The following ZNF438 variants were observed in gnomAD, a reference collection of about 807,000 sequenced individuals.
ZNF438 encodes the protein zinc finger protein 438.
A neutral mutation model predicts 38.0 loss-of-function variants in ZNF438; 25 were observed. The observed-to-expected ratio is 0.66, with a 90% CI of 0.48 to 0.92. ZNF438 has a LOEUF of 0.92. Among genes scored for constraint, ZNF438 ranks in the 40% least tolerant of loss-of-function variants. ZNF438 has a pLI of 0.00. For missense variants in ZNF438, 1,007 were observed against 999.6 expected (o/e 1.01, Z -0.10); for synonymous variants, 372 against 364.1 (o/e 1.02, Z -0.25).
intron 1 of ZNF438, among the ~76,000 whole-genome samples, chr10:31,025,960 A>C (rs1384145458): frequency 6.6e-6 from 1 of 152,242 alleles, no homozygotes; most frequent in Non-Finnish European, 1.5e-5. Context: ...TGCAAGAAGT[A>C]GAATTTTGAC....
chr10:30,860,865 T>C (rs1357318466), intron 4 of ZNF438, among the ~76,000 whole-genome samples: 6 of 152,156 alleles, frequency 3.9e-5, no homozygotes, highest in African/African-American at 1.4e-4. Flanking sequence ...CTAGTAGTTG[T>C]TCAAGAAAGT....
chr10:30,956,802 G>T (rs1369439664), intron 1 of ZNF438, among the ~76,000 whole-genome samples: 1 of 152,046 alleles, frequency 6.6e-6, no homozygotes, highest in African/African-American at 2.4e-5. Flanking sequence ...AAACACTTAG[G>T]TTGATTCCAT....
chr10:30,990,060 AT>A (rs2053307830), intron 1 of ZNF438, among the ~76,000 whole-genome samples: 1 of 152,220 alleles, frequency 6.6e-6, no homozygotes, highest in Non-Finnish European at 1.5e-5. Context: ...AGCTTCAGTG[AT>A]GGTAATACTT....
chr10:30,989,647 A>G (rs564891026), intron 1 of ZNF438, among the ~76,000 whole-genome samples: 1 of 152,366 alleles, frequency 6.6e-6, no homozygotes, highest in South Asian at 2.1e-4. Context: ...GCGAGAATGT[A>G]TGCAAAAATA....
chr10:30,944,001 C>T (rs1329446503), intron 1 of ZNF438, among the ~76,000 whole-genome samples: 1 of 152,076 alleles, frequency 6.6e-6, no homozygotes, highest in Non-Finnish European at 1.5e-5. Context: ...GCATAAGGTC[C>T]AAATGACATA....
intron 3 of ZNF438, among the ~76,000 whole-genome samples, chr10:30,886,809 G>A (rs889512582): frequency 6.6e-6 from 1 of 151,892 alleles, no homozygotes; most frequent in Admixed American, 6.6e-5. Context: ...AACTTTTTTT[G>A]TTTTTTTACT....
intron 2 of ZNF438, among the ~76,000 whole-genome samples, chr10:30,911,166 A>T (rs73252605): frequency 0.012 from 1,833 of 152,224 alleles, 54 homozygotes; most frequent in African/African-American, 0.042. Flanking sequence ...AAAAAATATA[A>T]AGCAAAAAAA....
At chr10:30,875,595 G>A (rs2038291174) in intron 4 of ZNF438, 4 of 984,788 alleles carry the variant, frequency 4.1e-6, no homozygotes, top group Non-Finnish European at 3.6e-6. Flanking sequence ...TCTTCCAGAG[G>A]ATATATACCA....
intron 2 of ZNF438, chr10:30,923,183 C>A (rs2044520489): frequency 6.6e-6 from 1 of 152,124 alleles, no homozygotes; most frequent in Non-Finnish European, 1.5e-5. Flanking sequence ...GCAGGATGAG[C>A]AAAGTTAATA....
chr10:30,928,750 T>C (rs2045265844), intron 2 of ZNF438, among the ~76,000 whole-genome samples: 1 of 152,196 alleles, frequency 6.6e-6, no homozygotes, highest in African/African-American at 2.4e-5. Context: ...AGATTCTCTG[T>C]AGTTCCAATT....
intron 1 of ZNF438, among the ~76,000 whole-genome samples, chr10:31,007,571 C>T (rs952190214): frequency 2.6e-5 from 4 of 152,140 alleles, no homozygotes; most frequent in African/African-American, 7.2e-5. Context: ...TTAGCCACCG[C>T]GCCCGGCCAG....
chr10:30,954,165 A>G (rs1250337307), intron 1 of ZNF438, among the ~76,000 whole-genome samples: 1 of 152,110 alleles, frequency 6.6e-6, no homozygotes, highest in African/African-American at 2.4e-5. Context: ...ATATACCCCC[A>G]TAAAGTGGTA....
intron 1 of ZNF438, among the ~76,000 whole-genome samples, chr10:30,980,584 T>A (rs943578774): frequency 3.3e-5 from 5 of 152,208 alleles, no homozygotes; most frequent in Admixed American, 2.0e-4. Flanking sequence ...CATACTAAGT[T>A]TGAAATGTTT....
intron 2 of ZNF438, among the ~76,000 whole-genome samples, chr10:30,933,513 G>A (rs1200426833): frequency 6.6e-6 from 1 of 152,184 alleles, no homozygotes; most frequent in African/African-American, 2.4e-5. Flanking sequence ...AGTAACTCAG[G>A]AGGCTGAGGT....
At chr10:30,889,812 A>G (rs75721359) in intron 3 of ZNF438, among the ~76,000 whole-genome samples, 2,555 of 152,278 alleles carry the variant, frequency 0.017, 62 homozygotes, top group African/African-American at 0.059. Context: ...AACCTGGGGA[A>G]CTGAGTGGGG....
intron 2 of ZNF438, among the ~76,000 whole-genome samples, chr10:30,931,496 T>A (rs983414642): frequency 6.6e-6 from 1 of 152,238 alleles, no homozygotes; most frequent in African/African-American, 2.4e-5. Flanking sequence ...AATAACACTT[T>A]TTTTTGCCCC....
chr10:30,925,050 C>T (rs2044749893), intron 2 of ZNF438, among the ~76,000 whole-genome samples: 1 of 152,154 alleles, frequency 6.6e-6, no homozygotes, highest in South Asian at 2.1e-4. Context: ...CATTTAAAAA[C>T]TTTGCTCAAC....
At chr10:30,950,928 G>T (rs561585161) in intron 1 of ZNF438, among the ~76,000 whole-genome samples, 1 of 132,052 alleles carries the variant, frequency 7.6e-6, no homozygotes, top group African/African-American at 2.9e-5. Context: ...TACCAAAGCC[G>T]GGCAGAGACA....
intron 4 of ZNF438, among the ~76,000 whole-genome samples, chr10:30,869,345 G>T (rs11008294): frequency 0.59 from 88,826 of 151,610 alleles, 26,259 homozygotes; most frequent in African/African-American, 0.62. Flanking sequence ...TTGCACTCCA[G>T]CCTGGACAAC....
Sources: allele counts gnomAD v4.1 joint callset (sites outside exome capture counted in the v4.1 genomes callset), GRCh38; gene constraint gnomAD v4.1.1; transcripts MANE v1.5; gene names NCBI Gene and HGNC (gene_info 2026-07-23, HGNC 2026-07-21).